IPPK: variants seen among roughly 807,000 people sequenced by gnomAD.
The protein encoded by IPPK is IPK1 homolog.
A neutral mutation model predicts 64.6 loss-of-function variants in IPPK; 22 were observed. The ratio of observed to expected loss-of-function variants is 0.34; its 90% CI spans 0.24 to 0.49. The LOEUF (loss-of-function observed/expected upper bound fraction) is 0.49, where lower values mean the gene tolerates loss of function less well. Among genes scored for constraint, IPPK ranks in the 20% least tolerant of loss-of-function variants. The pLI, the probability that IPPK is intolerant of heterozygous loss-of-function variation, is 0.99. For synonymous variants in IPPK, 262 were observed against 247.2 expected, an observed-to-expected ratio of 1.06 and a Z score of -0.56; for missense variants, 532 against 630.7, an observed-to-expected ratio of 0.84 and a Z score of 1.68.
Position 92,658,732 on chromosome 9 carries a change from C to A in IPPK, c.82-51G>T, listed in dbSNP as rs375498714. On this transcript the variant is annotated intron_variant, in intron 1 of 12. Transcript: ENST00000287996. ...TTAGTATTTGCTCAAAGCCAAGGCACAAGGTGTCAGTCAGTTTGGGGGTCC... is the reference window on the plus strand; with the variant it reads ...TTAGTATTTGCTCAAAGCCAAGGCAAAAGGTGTCAGTCAGTTTGGGGGTCC... 7.1e-5 allele frequency: 110 copies of A among 1,544,814 alleles called. No individual in the cohort carries two copies. In the African/African-American group the frequency reaches 1.5e-3, roughly 20 times the overall value.
At chr9:92,629,763 G>GAT (rs1393522482) in intron 11 of IPPK, among the ~76,000 whole-genome samples, 2 of 148,480 alleles carry the variant, frequency 1.3e-5, no homozygotes, top group Non-Finnish European at 3.0e-5. Context: ...CTCTGAAAAA[G>GAT]ATATATAAGT....
rs1851403345 is a variant in IPPK, at chr9:92,615,507, A to G, written c.*325T>C. 3.7e-6 allele frequency: 1 copy of G among 273,604 alleles called. No individual in the cohort carries two copies. Among genetic ancestry groups the G allele is most frequent in the Admixed American group, 5.0e-5 (1 of 20,200 alleles). 16.9% of individuals were successfully genotyped at this position (273,604 alleles called of 1,614,324 possible). A position where few individuals can be genotyped will look rare whatever the true frequency, so the allele number is the denominator to read the frequency against. ...GCAGATCCAAACCTTGGGTCTTAGA[A>G]TAAGGCTTTTCGCATTAGAGAATCA... On this transcript the variant is annotated 3_prime_UTR_variant, in exon 13 of 13. Transcript: ENST00000287996.
intron 12 of IPPK, 73 bp downstream of exon 12, chr9:92,619,413 C>A: frequency 8.2e-7 from 1 of 1,217,512 alleles, no homozygotes; most frequent in South Asian, 1.3e-5. Flanking sequence ...ACCAACTATC[C>A]TATTAACAAT....
At chr9:92,656,691 C>A in intron 2 of IPPK, 140 bp from the exon 3 acceptor site, 2 of 619,118 alleles carry the variant, frequency 3.2e-6, no homozygotes, top group Non-Finnish European at 2.9e-6. Flanking sequence ...CGGGTGACAG[C>A]CCTCAGACCC....
chr9:92,650,051 C>T (rs1401236509), intron 4 of IPPK, among the ~76,000 whole-genome samples: 1 of 127,164 alleles, frequency 7.9e-6, no homozygotes, highest in Non-Finnish European at 1.7e-5. Flanking sequence ...AAGGCGGGCA[C>T]GGTGGCTCAC....
Position 92,670,039 on chromosome 9 carries a change from T to TG in IPPK, c.-52dup. 7.3e-7 allele frequency: 1 copy of TG among 1,376,220 alleles called. No individual in the cohort carries two copies. 85.3% of individuals were successfully genotyped at this position (1,376,220 alleles called of 1,614,324 possible). On this transcript the variant is annotated 5_prime_UTR_variant, in exon 1 of 13. Transcript: ENST00000287996. ...CGGGCTAGGACTCGGGGACGCGAGC[T>TG]GGGGGCCGCCCGCCTCGCTGGGAAC...
chr9:92,659,626 A>G (rs1415916666), intron 1 of IPPK, among the ~76,000 whole-genome samples: 1 of 152,136 alleles, frequency 6.6e-6, no homozygotes, highest in East Asian at 1.9e-4. Context: ...TGCCCTGGGA[A>G]GCGCCCCTGC....
intron 4 of IPPK, among the ~76,000 whole-genome samples, chr9:92,650,908 G>C (rs1852254591): frequency 6.6e-6 from 1 of 152,094 alleles, no homozygotes; most frequent in East Asian, 1.9e-4. Flanking sequence ...CTGGGCTCCA[G>C]GCACCCCAGG....
intron 11 of IPPK, among the ~76,000 whole-genome samples, chr9:92,631,074 C>T (rs1395750049): frequency 7.2e-5 from 11 of 152,126 alleles, no homozygotes; most frequent in Non-Finnish European, 1.5e-5. Flanking sequence ...CAAATGTCTG[C>T]TGACCCCTGC....
At chr9:92,638,735 C>T (rs1023114434) in intron 8 of IPPK, among the ~76,000 whole-genome samples, 14 of 152,240 alleles carry the variant, frequency 9.2e-5, no homozygotes, top group South Asian at 2.1e-4. Flanking sequence ...GTTCAGGCCA[C>T]GCCCAGGGTG....
At chr9:92,643,886 T>C (rs748040305) in intron 6 of IPPK, among the ~76,000 whole-genome samples, 2 of 152,242 alleles carry the variant, frequency 1.3e-5, no homozygotes, top group African/African-American at 2.4e-5. Context: ...TCTGACAATA[T>C]GAGTTACCTG....
chr9:92,644,499 A>G (rs1347941754), intron 6 of IPPK, among the ~76,000 whole-genome samples: 1 of 151,998 alleles, frequency 6.6e-6, no homozygotes, highest in African/African-American at 2.4e-5. Flanking sequence ...GAAAGATCAC[A>G]CTTGCAAGCG....
intron 1 of IPPK, 32 bp from the exon 2 acceptor site, chr9:92,658,713 T>A (rs745649344): frequency 6.8e-6 from 11 of 1,608,376 alleles, no homozygotes; most frequent in African/African-American, 1.3e-5. Flanking sequence ...CTGATTAGTA[T>A]TTGCTCAAAG....
intron 11 of IPPK, among the ~76,000 whole-genome samples, chr9:92,628,522 GTCAACTGATTT>G (rs933953531): frequency 1.3e-5 from 2 of 152,186 alleles, no homozygotes; most frequent in African/African-American, 4.8e-5. Flanking sequence ...TACATCTATG[GTCAACTGATTT>G]TCAAGAAGGA....
rs1330576452 is a variant in IPPK at position 92,635,349 on chromosome 9, T to A, written c.917-41A>T. ...GGGGAAAACGAGAGCATGTTGATTATCAAAGAACGTGGAGGGAGACACAGG... is the reference window on the plus strand; with the variant it reads ...GGGGAAAACGAGAGCATGTTGATTAACAAAGAACGTGGAGGGAGACACAGG... On this transcript the variant is annotated intron_variant, in intron 9 of 12. Coordinates refer to ENST00000287996, the MANE Select transcript of IPPK (RefSeq NM_022755.6). The surrounding 1 kb of genome is among the most constrained non-coding windows in gnomAD (Gnocchi z 4.4). The A allele has an allele frequency of 1.3e-6, 2 of 1,591,218 alleles. No individual in the cohort carries two copies. Among genetic ancestry groups the A allele is most frequent in the Non-Finnish European group, 1.7e-6 (2 of 1,168,070 alleles).
chr9:92,641,759 G>A (rs1852051507), intron 7 of IPPK, among the ~76,000 whole-genome samples: 1 of 152,224 alleles, frequency 6.6e-6, no homozygotes, highest in Admixed American at 6.5e-5. Context: ...CACGCACTCA[G>A]AGGCAGTGCT....
chr9:92,625,679 C>T (rs1255220426), intron 11 of IPPK, among the ~76,000 whole-genome samples: 1 of 152,194 alleles, frequency 6.6e-6, no homozygotes, highest in African/African-American at 2.4e-5. Context: ...CATGAAGCAA[C>T]TGGGAAGGCT....
chr9:92,641,792 A>G, intron 7 of IPPK, among the ~76,000 whole-genome samples: 1 of 152,238 alleles, frequency 6.6e-6, no homozygotes, highest in South Asian at 2.1e-4. Flanking sequence ...AGGCAGGGGC[A>G]CGAAATGAAT....
intron 12 of IPPK, 149 bp downstream of exon 12, chr9:92,619,337 C>T (rs1851548594): frequency 1.1e-5 from 7 of 634,324 alleles, no homozygotes; most frequent in South Asian, 1.1e-4. Flanking sequence ...AGTTAGTAAG[C>T]CCCATGATGT....
Sources: allele counts gnomAD v4.1 joint callset (sites outside exome capture counted in the v4.1 genomes callset), GRCh38; gene constraint gnomAD v4.1.1; non-coding constraint Gnocchi (gnomAD v3.1); transcripts MANE v1.5; gene names NCBI Gene and HGNC (gene_info 2026-07-23, HGNC 2026-07-21).